Variants in PHIP observed in about 807,000 individuals in gnomAD.
The protein encoded by PHIP is PH-interacting protein.
In PHIP, 54 loss-of-function variants were observed where a neutral mutation model predicts 236.8. That is an observed-to-expected ratio of 0.23 (90% confidence interval 0.18 to 0.29). The LOEUF is 0.29. PHIP is among the 10% of genes least tolerant of loss of function. The probability of loss-of-function intolerance (pLI) is 1.00; values close to 1 mark genes in which losing one functional copy is unlikely to be tolerated. For missense variants in PHIP, 1,370 were observed against 2,190.8 expected (o/e 0.63, Z 7.48); for synonymous variants, 756 against 718.9 (o/e 1.05, Z -0.83).
At chr6:79,040,928 T>C (rs1353987832) in intron 7 of PHIP, among the ~76,000 whole-genome samples, 1 of 152,138 alleles carries the variant, frequency 6.6e-6, no homozygotes, top group Non-Finnish European at 1.5e-5. Context: ...AGTACAGTGC[T>C]ACTTTTCTTC....
rs765151226 is a variant in PHIP at position 78,963,156 on chromosome 6, T to C, written c.3476A>G (p.Asn1159Ser). The change falls in exon 30 of 40, where the codon AAT becomes AGT. Residue 1159 changes from asparagine to serine, a missense_variant. By Grantham distance (46) the Asn-to-Ser change is conservative. Transcript: ENST00000275034. The stretch of plus-strand genomic sequence containing the variant: ...TCTTTCACATTCTTCATCCCTGGGA[T>C]TGGTACCCCATTCTCCATCAAGAGG... ...YKPLDGEWGT[N>S]PRDEECERIV... The C allele has an allele frequency of 3.7e-5, 60 of 1,610,998 alleles. 1 individual carries two copies. Among genetic ancestry groups the C allele is most frequent in the Middle Eastern group, 3.3e-4 (2 of 6,076 alleles).
intron 4 of PHIP, among the ~76,000 whole-genome samples, chr6:79,073,197 T>C (rs111723831): frequency 0.022 from 3,332 of 152,284 alleles, 121 homozygotes; most frequent in African/African-American, 0.076. Context: ...ATGCCTCAAA[T>C]TTTAAAAAAT....
At chr6:78,992,864 T>C (rs1769355837) in intron 19 of PHIP, among the ~76,000 whole-genome samples, 1 of 152,148 alleles carries the variant, frequency 6.6e-6, no homozygotes, top group African/African-American at 2.4e-5. Context: ...AGTGAAAACA[T>C]CTCTCACTTT....
chr6:78,965,670 A>G (rs775521668), intron 29 of PHIP, 33 bp downstream of exon 29: 2 of 1,213,660 alleles, frequency 1.6e-6, no homozygotes, highest in Non-Finnish European at 2.4e-6. Context: ...TTAACTCCAT[A>G]ATGGAGAAAC....
At chr6:79,059,626 A>AGTATATTATATATATT (rs1562216785) in intron 6 of PHIP, among the ~76,000 whole-genome samples, 1 of 43,206 alleles carries the variant, frequency 2.3e-5, no homozygotes, top group African/African-American at 6.7e-5. Flanking sequence ...TATATATATA[A>AGTATATTATATATATT]AAATGCCAAA....
rs1011067513 is a variant in PHIP at position 78,937,012 on chromosome 6, A to G, written c.*3681T>C. On this transcript the variant is annotated 3_prime_UTR_variant, in exon 40 of 40. Transcript: ENST00000275034. Reference sequence around the variant, plus strand: ...AAACCACTGCTCAATCTGTTATGTTAGAAATACTTTTTAGGTTAATAGGAG... The same window carrying G: ...AAACCACTGCTCAATCTGTTATGTTGGAAATACTTTTTAGGTTAATAGGAG... 6.6e-6 allele frequency: 1 copy of G among 151,842 alleles called. No individual in the cohort carries two copies. Among genetic ancestry groups the G allele is most frequent in the Admixed American group, 6.6e-5 (1 of 15,262 alleles). 9.4% of individuals were successfully genotyped at this position (151,842 alleles called of 1,614,324 possible).
intron 4 of PHIP, among the ~76,000 whole-genome samples, chr6:79,076,150 G>C (rs1582332717): frequency 6.6e-6 from 1 of 151,740 alleles, no homozygotes; most frequent in Non-Finnish European, 1.5e-5. Flanking sequence ...AGCCTTGAGC[G>C]GTTATCAACA....
chr6:78,973,401 C>T (rs1466048321), intron 24 of PHIP, among the ~76,000 whole-genome samples: 12 of 149,840 alleles, frequency 8.0e-5, no homozygotes, highest in African/African-American at 2.0e-4. Context: ...AAGGAAAAAC[C>T]GGTACCAGCC....
In PHIP at chr6:78,997,523, C is replaced by T; in HGVS notation, c.2092G>A (p.Val698Ile). Reference sequence around the variant, plus strand: ...GGTGCGTTGCTGTGCATTTGCCGTACACCTTCAATTTGTCCACTACGTCTT... The same window carrying T: ...GGTGCGTTGCTGTGCATTTGCCGTATACCTTCAATTTGTCCACTACGTCTT... The part of the protein sequence containing the change: ...GLRRSGQIEG[V>I]RQMHSNAPRS... Residue 698 changes from valine to isoleucine, a missense_variant, in exon 19 of 40, where the codon GTA becomes ATA. Val to Ile is a conservative substitution (Grantham distance 29). This residue lies in a region of PHIP where 133 missense variants were observed against 245.2 expected (regional missense o/e 0.54). Transcript: ENST00000275034. 3 of 1,614,046 alleles carry T rather than the reference C, an allele frequency of 1.9e-6. No homozygotes were observed. Among genetic ancestry groups the T allele is most frequent in the Non-Finnish European group, 2.5e-6 (3 of 1,179,944 alleles).
rs748557453 is a variant in PHIP, at chr6:78,945,425, T to A, written c.4703A>T (p.His1568Leu). Reference sequence around the variant, plus strand: ...TTTTGCAGAATTATTCCTAGTGCCATGACTAAAACTGGATTGACCAGGACT... The same window carrying A: ...TTTTGCAGAATTATTCCTAGTGCCAAGACTAAAACTGGATTGACCAGGACT... ...LSSPGQSSFSHGTRNNSAKEN... is the reference protein window; with the variant it reads ...LSSPGQSSFSLGTRNNSAKEN... The change falls in exon 39 of 40, where the codon CAT becomes CTT. Residue 1568 changes from histidine (H) to leucine (L), a missense_variant. Transcript: ENST00000275034. 5.0e-6 allele frequency: 8 copies of A among 1,611,354 alleles called. No homozygotes were observed. The highest frequency in any genetic ancestry group is 8.5e-7 in the Non-Finnish European group (1 of 1,177,532).
intron 19 of PHIP, among the ~76,000 whole-genome samples, chr6:78,994,622 C>T (rs770641024): frequency 2.0e-5 from 3 of 151,934 alleles, no homozygotes; most frequent in African/African-American, 7.3e-5. Flanking sequence ...AAAGCAATGG[C>T]AGGGTTTGAG....
intron 6 of PHIP, among the ~76,000 whole-genome samples, chr6:79,053,309 A>T (rs1041120494): frequency 2.0e-5 from 3 of 152,144 alleles, no homozygotes; most frequent in African/African-American, 7.2e-5. Flanking sequence ...GCGAGACTCA[A>T]TCTCAAAAGA....
At chr6:78,960,523 G>C (rs1766706217) in intron 31 of PHIP, among the ~76,000 whole-genome samples, 1 of 151,628 alleles carries the variant, frequency 6.6e-6, no homozygotes, top group South Asian at 2.1e-4. Flanking sequence ...TTTGAGGGTG[G>C]GATGGTTGGG....
At chr6:79,067,287 A>G (rs1236933638) in intron 4 of PHIP, among the ~76,000 whole-genome samples, 1 of 152,108 alleles carries the variant, frequency 6.6e-6, no homozygotes, top group African/African-American at 2.4e-5. Flanking sequence ...TGAGATTCAC[A>G]CCTCTACTGG....
In PHIP at chr6:79,008,205, C is replaced by T. The variant is rs183146928; in HGVS notation, c.1525-4347G>A. Among the ~76,000 whole-genome samples, 838 of 151,540 alleles carry T rather than the reference C, an allele frequency of 5.5e-3. 6 individuals are homozygous for T. Among genetic ancestry groups the T allele is most frequent in the African/African-American group, 0.02 (814 of 41,354 alleles). On this transcript the variant is annotated intron_variant, in intron 15 of 39. Coordinates refer to ENST00000275034, the MANE Select transcript of PHIP (RefSeq NM_017934.7). Reference sequence around the variant, plus strand: ...ACTCCGTCTAAAAAAAAAAAAAAATCCAAATTCCAACAGTTCAGGTGTTAT... The same window carrying T: ...ACTCCGTCTAAAAAAAAAAAAAAATTCAAATTCCAACAGTTCAGGTGTTAT...
intron 15 of PHIP, among the ~76,000 whole-genome samples, chr6:79,006,051 C>A (rs988141359): frequency 1.3e-5 from 2 of 151,938 alleles, no homozygotes; most frequent in Non-Finnish European, 2.9e-5. Flanking sequence ...TATAAGGCAT[C>A]TGTTTAACTC....
chr6:78,964,434 G>C (rs1455582983), intron 29 of PHIP, among the ~76,000 whole-genome samples: 2 of 152,080 alleles, frequency 1.3e-5, no homozygotes, highest in African/African-American at 4.8e-5. Context: ...TTAGAAATTA[G>C]ATGTTTTCCT....
intron 9 of PHIP, 63 bp from the exon 10 acceptor site, chr6:79,019,222 C>A: frequency 8.2e-7 from 1 of 1,221,738 alleles, no homozygotes; most frequent in East Asian, 2.3e-5. Flanking sequence ...CAGAAATAAT[C>A]TGTTTCAAAA....
rs935420149 is a variant in PHIP, at chr6:78,997,652, T to G, written c.2018-55A>C. ...TACTTAGAGATATTTCTCCATTAGT[T>G]TATAACAGAAAAAAGAGATAAAACA... On this transcript the variant is annotated intron_variant, in intron 18 of 39. Transcript: ENST00000275034. 5.5e-5 allele frequency: 75 copies of G among 1,351,614 alleles called. No individual in the cohort carries two copies. The Middle Eastern group carries it at 6.7e-4, about 12-fold the overall frequency. 83.7% of individuals were successfully genotyped at this position (1,351,614 alleles called of 1,614,324 possible).
Sources: gnomAD v4.1 joint callset for allele counts (sites outside exome capture counted in the v4.1 genomes callset) on GRCh38, gnomAD v4.1.1 for gene constraint, gnomAD v4.1.1 regional missense constraint, MANE v1.5 for transcripts, NCBI Gene and HGNC (gene_info 2026-07-23, HGNC 2026-07-21) for gene names.